The following RUNDC3B variants were observed in gnomAD, a reference collection of about 807,000 sequenced individuals.
The protein encoded by RUNDC3B is RUN domain-containing protein 3B.
A neutral mutation model predicts 58.4 loss-of-function variants in RUNDC3B; 33 were observed. That is an observed-to-expected ratio of 0.56 (90% CI 0.43 to 0.75). The LOEUF (loss-of-function observed/expected upper bound fraction) is 0.75. RUNDC3B is among the 30% of genes least tolerant of loss of function. The pLI, the probability that RUNDC3B is intolerant of heterozygous loss-of-function variation, is 0.00. For missense variants in RUNDC3B, 501 were observed against 535.7 expected, an observed-to-expected ratio of 0.94 and a Z score of 0.64; for synonymous variants, 193 against 195.2, an observed-to-expected ratio of 0.99 and a Z score of 0.10.
At chr7:87,764,054 TC>T (rs759405979) in intron 6 of RUNDC3B, among the ~76,000 whole-genome samples, 7 of 151,858 alleles carry the variant, frequency 4.6e-5, no homozygotes, top group Admixed American at 1.3e-4. Flanking sequence ...GTATTTTCTC[TC>T]TCTTCAGTTT....
chr7:87,765,593 G>T (rs1833935900), intron 6 of RUNDC3B, among the ~76,000 whole-genome samples: 1 of 151,952 alleles, frequency 6.6e-6, no homozygotes, highest in Non-Finnish European at 1.5e-5. Context: ...CTACATACTT[G>T]TGTAATTTTG....
chr7:87,783,426 G>A (rs1292501070), intron 8 of RUNDC3B, among the ~76,000 whole-genome samples: 1 of 152,120 alleles, frequency 6.6e-6, no homozygotes, highest in African/African-American at 2.4e-5. Flanking sequence ...CTTGAAGATA[G>A]CAAGTGGTTG....
At chr7:87,709,675 A>T (rs1490771403) in intron 3 of RUNDC3B, among the ~76,000 whole-genome samples, 1 of 152,036 alleles carries the variant, frequency 6.6e-6, no homozygotes, top group African/African-American at 2.4e-5. Context: ...ACATTTCTAG[A>T]GTATGTTTTT....
At chr7:87,696,139 A>G (rs1828475173) in intron 2 of RUNDC3B, among the ~76,000 whole-genome samples, 1 of 152,156 alleles carries the variant, frequency 6.6e-6, no homozygotes, top group Non-Finnish European at 1.5e-5. Context: ...TTGAAAGCAT[A>G]TTGTATACCT....
chr7:87,700,563 T>C lies in RUNDC3B; in HGVS notation c.372+9T>C. The C allele has an allele frequency of 6.2e-7, 1 of 1,603,528 alleles. No individual in the cohort carries two copies. The highest frequency in any genetic ancestry group is 1.3e-5 in the African/African-American group (1 of 74,542). On this transcript the variant is annotated intron_variant, in intron 3 of 10. Coordinates refer to ENST00000394654, the MANE Select transcript of RUNDC3B (RefSeq NM_001134405.2). ...GTTCTTCTAGAGCTAAGGTAAGACA[T>C]TGGTCAGAGACTCGTTTCTATTTTT...
chr7:87,739,973 C>G (rs1042277697), intron 5 of RUNDC3B, 93 bp downstream of exon 5: 1 of 538,026 alleles, frequency 1.9e-6, no homozygotes, highest in Admixed American at 2.8e-5. Context: ...AAGTAAAGCA[C>G]ACAGTTGGAT....
intron 7 of RUNDC3B, among the ~76,000 whole-genome samples, chr7:87,772,761 A>C (rs1675966880): frequency 6.6e-6 from 1 of 152,184 alleles, no homozygotes; most frequent in Admixed American, 6.5e-5. Flanking sequence ...ATATAACCAG[A>C]AGAGTCAACA....
At chr7:87,796,225 G>A (rs149660449) in intron 8 of RUNDC3B, among the ~76,000 whole-genome samples, 1 of 152,234 alleles carries the variant, frequency 6.6e-6, no homozygotes, top group East Asian at 1.9e-4. Flanking sequence ...AATATTCCAT[G>A]TTATCACATA....
intron 7 of RUNDC3B, among the ~76,000 whole-genome samples, chr7:87,777,266 A>G (rs1188758533): frequency 6.6e-6 from 1 of 152,174 alleles, no homozygotes; most frequent in Non-Finnish European, 1.5e-5. Context: ...GGATACTCTG[A>G]TGGGTCCTGC....
intron 4 of RUNDC3B, among the ~76,000 whole-genome samples, chr7:87,738,510 A>C (rs562972833): frequency 1.3e-5 from 2 of 152,140 alleles, no homozygotes; most frequent in African/African-American, 4.8e-5. Flanking sequence ...TCAGAGAGTA[A>C]ATAGTTGACT....
At chr7:87,651,008 A>G in intron 2 of RUNDC3B, 71 bp downstream of exon 2, 1 of 879,454 alleles carries the variant, frequency 1.1e-6, no homozygotes, top group South Asian at 1.5e-5. Context: ...TTTAGAAATC[A>G]TACAGTCTGT....
At position 87,783,779 on chromosome 7, in the gene RUNDC3B, T is replaced by G. The variant is rs558666202; in HGVS notation, c.956+5824T>G. 3.9e-5 allele frequency among the ~76,000 whole-genome samples: 6 copies of G among 152,348 alleles called. No homozygotes were observed. In the East Asian group the frequency reaches 9.6e-4, roughly 24 times the overall value. On this transcript the variant is annotated intron_variant, in intron 8 of 10. Coordinates refer to ENST00000394654, the MANE Select transcript of RUNDC3B (RefSeq NM_001134405.2). The stretch of plus-strand genomic sequence containing the variant: ...TATGAAGCTTGGTTTGGTGGGATAT[T>G]AAATTCTTGACTGGTATTTCTTTTC...
At chr7:87,796,375 A>C (rs1835820851) in intron 8 of RUNDC3B, among the ~76,000 whole-genome samples, 1 of 152,146 alleles carries the variant, frequency 6.6e-6, no homozygotes, top group Non-Finnish European at 1.5e-5. Flanking sequence ...AAATAATTAG[A>C]ATGAATAAGA....
Position 87,738,267 on chromosome 7 carries a change from G to A in RUNDC3B, c.459-1524G>A, listed in dbSNP as rs143015374. ...TAGCCAACTTAGTTATTGGACCAGG[G>A]ACAAAGTCTCAAACATACATATTTG... On this transcript the variant is annotated intron_variant, in intron 4 of 10. Coordinates refer to ENST00000394654, the MANE Select transcript of RUNDC3B (RefSeq NM_001134405.2). Among the ~76,000 whole-genome samples the A allele has an allele frequency of 2.0e-5, 3 of 152,066 alleles. No individual in the cohort carries two copies. In the East Asian group the frequency reaches 5.8e-4, roughly 29 times the overall value.
chr7:87,726,560 G>A (rs1831244127), intron 4 of RUNDC3B, among the ~76,000 whole-genome samples: 1 of 152,176 alleles, frequency 6.6e-6, no homozygotes, highest in Non-Finnish European at 1.5e-5. Flanking sequence ...GCTTAGGATT[G>A]TCTTGGCAAT....
chr7:87,653,017 C>T (rs1267816204), intron 2 of RUNDC3B, among the ~76,000 whole-genome samples: 1 of 151,960 alleles, frequency 6.6e-6, no homozygotes, highest in Non-Finnish European at 1.5e-5. Context: ...TGTGCTGATA[C>T]AGGCAAAGTG....
intron 1 of RUNDC3B, among the ~76,000 whole-genome samples, chr7:87,642,097 T>A (rs1359898527): frequency 6.6e-6 from 1 of 151,802 alleles, no homozygotes; most frequent in Non-Finnish European, 1.5e-5. Context: ...ATTTTAATTA[T>A]AATAATTTTT....
chr7:87,737,539 A>G (rs1832059251), intron 4 of RUNDC3B, among the ~76,000 whole-genome samples: 1 of 152,118 alleles, frequency 6.6e-6, no homozygotes, highest in South Asian at 2.1e-4. Context: ...TTAAATGATA[A>G]AAATATTATC....
intron 4 of RUNDC3B, among the ~76,000 whole-genome samples, chr7:87,729,662 A>G (rs1283517722): frequency 6.6e-6 from 1 of 152,200 alleles, no homozygotes; most frequent in Non-Finnish European, 1.5e-5. Context: ...AGAGACTTCA[A>G]TTCCTGGACA....
Sources: allele counts gnomAD v4.1 joint callset (sites outside exome capture counted in the v4.1 genomes callset), GRCh38; gene constraint gnomAD v4.1.1; transcripts MANE v1.5; gene names NCBI Gene and HGNC (gene_info 2026-07-23, HGNC 2026-07-21).